The following LARGE1 variants were observed in gnomAD, a reference collection of about 807,000 sequenced individuals.
LARGE1 encodes the protein LARGE xylosyl- and glucuronyltransferase 1, also known as xylosyl- and glucuronyltransferase LARGE1.
Under a neutral mutation model 87.6 loss-of-function variants are expected in LARGE1, and 43 were observed. The ratio of observed to expected loss-of-function variants is 0.49; its 90% CI spans 0.38 to 0.63. The LOEUF (loss-of-function observed/expected upper bound fraction) is 0.63, where lower values mean the gene tolerates loss of function less well. Among genes scored for constraint, LARGE1 ranks in the 30% least tolerant of loss-of-function variants. LARGE1 has a pLI of 0.00. For missense variants in LARGE1, 802 were observed against 1,000.2 expected (o/e 0.80, Z 2.67); for synonymous variants, 434 against 394.6 (o/e 1.10, Z -1.18).
intron 11 of LARGE1, among the ~76,000 whole-genome samples, chr22:33,216,549 A>C (rs540376006): frequency 6.6e-6 from 1 of 151,638 alleles, no homozygotes; most frequent in Admixed American, 6.6e-5. Context: ...GAATGGTGTG[A>C]ACCCAGGAGG....
At chr22:33,691,576 C>T (rs952127091) in intron 2 of LARGE1, among the ~76,000 whole-genome samples, 5 of 152,170 alleles carry the variant, frequency 3.3e-5, no homozygotes, top group African/African-American at 9.7e-5. Flanking sequence ...AAAACGCATG[C>T]CTCTCTGCTC....
At chr22:33,897,289 A>G (rs898049356) in intron 1 of LARGE1, among the ~76,000 whole-genome samples, 1 of 152,166 alleles carries the variant, frequency 6.6e-6, no homozygotes. Flanking sequence ...AAAACCCCAC[A>G]TACCTACTCC....
chr22:33,510,700 T>C (rs2148438128), intron 6 of LARGE1, among the ~76,000 whole-genome samples: 1 of 152,310 alleles, frequency 6.6e-6, no homozygotes, highest in East Asian at 1.9e-4. Flanking sequence ...CTCAGCCTCC[T>C]GAGTAGCTGT....
intron 11 of LARGE1, among the ~76,000 whole-genome samples, chr22:33,176,749 C>T (rs530969030): frequency 9.2e-5 from 14 of 152,226 alleles, no homozygotes; most frequent in South Asian, 6.2e-4. Flanking sequence ...GACAGTGTGG[C>T]GATTCCTCAA....
chr22:33,202,478 C>T (rs1924448618), intron 11 of LARGE1, among the ~76,000 whole-genome samples: 1 of 152,178 alleles, frequency 6.6e-6, no homozygotes, highest in East Asian at 1.9e-4. Flanking sequence ...TCATTTCATT[C>T]ATTTTATTTC....
At chr22:33,788,172 C>T (rs2105844) in intron 1 of LARGE1, among the ~76,000 whole-genome samples, 23,731 of 152,080 alleles carry the variant, frequency 0.16, 1,927 homozygotes, top group Middle Eastern at 0.26. Flanking sequence ...ATCATGGGGT[C>T]GGTTTTCCCC....
intron 1 of LARGE1, among the ~76,000 whole-genome samples, chr22:33,879,443 C>T (rs1291553824): frequency 1.3e-5 from 2 of 152,204 alleles, no homozygotes; most frequent in African/African-American, 4.8e-5. Context: ...GGAAGGCTTA[C>T]TGCTTTGTCC....
chr22:33,460,208 T>C (rs2068317411), intron 6 of LARGE1, among the ~76,000 whole-genome samples: 2 of 152,224 alleles, frequency 1.3e-5, no homozygotes, highest in South Asian at 2.1e-4. Context: ...AATTTAGCTC[T>C]CTTGCTGAGC....
At chr22:33,141,205 C>CAT in the LARGE1 span, among the ~76,000 whole-genome samples, 1 of 151,850 alleles carries the variant, frequency 6.6e-6, no homozygotes, top group Non-Finnish European at 1.5e-5. Flanking sequence ...CACACACACA[C>CAT]ACACACACAC....
chr22:33,227,288 C>G (rs1057265514), intron 11 of LARGE1, among the ~76,000 whole-genome samples: 1 of 152,170 alleles, frequency 6.6e-6, no homozygotes, highest in Non-Finnish European at 1.5e-5. Context: ...GTGCTCCTGA[C>G]TACTAGACCA....
rs372629986 is a variant in LARGE1 at position 33,304,348 on chromosome 22, C to G, written c.1611G>C (p.Glu537Asp). 8.7e-6 allele frequency: 14 copies of G among 1,614,282 alleles called. No homozygotes were observed. The East Asian group carries it at 2.9e-4, about 33-fold the overall frequency. ...HNVGYHIVYK[E>D]GQFYPVNLLR... ...GCAGGTTCACGGGGTAGAACTGGCC[C>G]TCCTTGTACACGATGTGGTAGCCCA... The change falls in exon 12 of 15, where the codon GAG becomes GAC. Residue 537 changes from glutamate (E) to aspartate (D), a missense_variant. Glu to Asp is a conservative substitution (Grantham distance 45). Around this residue, in one of 2 missense-constraint regions of LARGE1, gnomAD observed 625 missense variants for 841.9 expected, o/e 0.74. Coordinates refer to ENST00000397394, the MANE Select transcript of LARGE1 (RefSeq NM_133642.5).
At chr22:33,363,030 T>C (rs991940221) in intron 9 of LARGE1, among the ~76,000 whole-genome samples, 3 of 150,278 alleles carry the variant, frequency 2.0e-5, no homozygotes, top group Non-Finnish European at 3.0e-5. Flanking sequence ...AATATTTTTA[T>C]GATTCTCGCT....
At chr22:33,756,724 GTGCTCTGATTC>G (rs2084527444) in intron 2 of LARGE1, among the ~76,000 whole-genome samples, 1 of 152,184 alleles carries the variant, frequency 6.6e-6, no homozygotes, top group East Asian at 1.9e-4. Flanking sequence ...GAGCAGAGCG[GTGCTCTGATTC>G]AGCCCTGAGG....
chr22:33,441,866 T>C (rs1424595711), intron 6 of LARGE1, among the ~76,000 whole-genome samples: 4 of 152,254 alleles, frequency 2.6e-5, no homozygotes, highest in Non-Finnish European at 5.9e-5. Flanking sequence ...AGGTTTATAT[T>C]GCATGTCCTT....
chr22:33,578,760 A>G (rs919311230), intron 5 of LARGE1, among the ~76,000 whole-genome samples: 5 of 152,230 alleles, frequency 3.3e-5, no homozygotes, highest in African/African-American at 1.2e-4. Flanking sequence ...TTACACAGTG[A>G]AATCTGTATA....
At chr22:33,686,724 C>T in intron 2 of LARGE1, among the ~76,000 whole-genome samples, 1 of 152,164 alleles carries the variant, frequency 6.6e-6, no homozygotes, top group Admixed American at 6.5e-5. Context: ...GGTCTCCTGA[C>T]TGCAGTTTTC....
intron 2 of LARGE1, among the ~76,000 whole-genome samples, chr22:33,653,472 T>A (rs2080877110): frequency 1.3e-5 from 2 of 152,160 alleles, no homozygotes; most frequent in African/African-American, 4.8e-5. Context: ...TGCAGGAAGC[T>A]CAACAGGGTC....
intron 2 of LARGE1, among the ~76,000 whole-genome samples, chr22:33,702,514 C>T (rs1460542293): frequency 6.6e-6 from 1 of 151,956 alleles, no homozygotes; most frequent in African/African-American, 2.4e-5. Context: ...AGCAGACCAA[C>T]AAAGAGGGAA....
intron 1 of LARGE1, among the ~76,000 whole-genome samples, chr22:33,767,965 T>C (rs2084955371): frequency 6.6e-6 from 1 of 152,232 alleles, no homozygotes; most frequent in Non-Finnish European, 1.5e-5. Context: ...CAAGGTGCTG[T>C]CCCAGCACCT....
Sources: allele counts gnomAD v4.1 joint callset (sites outside exome capture counted in the v4.1 genomes callset), GRCh38; gene constraint gnomAD v4.1.1; regional missense constraint gnomAD v4.1.1; transcripts MANE v1.5; gene names NCBI Gene and HGNC (gene_info 2026-07-23, HGNC 2026-07-21).